The following KRT10 variants were observed in gnomAD, a reference collection of about 807,000 sequenced individuals.
The protein encoded by KRT10 is keratin, type I cytoskeletal 10.
KRT10 carries 40 observed loss-of-function variants against 59.2 expected under a neutral mutation model. The ratio of observed to expected loss-of-function variants is 0.68; its 90% CI spans 0.52 to 0.88. The LOEUF (loss-of-function observed/expected upper bound fraction) is 0.88. KRT10 is among the 40% of genes least tolerant of loss of function. KRT10 has a pLI of 0.00. For missense variants in KRT10, 719 were observed against 749.1 expected (o/e 0.96, Z 0.47); for synonymous variants, 336 against 310.7 (o/e 1.08, Z -0.86).
Position 40,818,325 on chromosome 17 carries a change from ATCT to A in KRT10, c.*148_*150del. ...TTCTTGGAGACTTTGTTTTCCATGCATCTGTAAATAATGGTCTGTGTGAAGGGA... is the reference window on the plus strand; with the variant it reads ...TTCTTGGAGACTTTGTTTTCCATGCAGTAAATAATGGTCTGTGTGAAGGGA... On this transcript the variant is annotated 3_prime_UTR_variant, in exon 8 of 8. Coordinates refer to ENST00000269576, the MANE Select transcript of KRT10 (RefSeq NM_000421.5). The A allele has an allele frequency of 9.9e-7, 1 of 1,007,706 alleles. No individual in the cohort carries two copies. Among genetic ancestry groups the A allele is most frequent in the Admixed American group, 2.3e-5 (1 of 43,124 alleles). The allele number at this position is 1,007,706 out of a possible 1,614,324, so 62.4% of individuals were successfully genotyped here.
Position 40,820,618 on chromosome 17 carries a change from C to T in KRT10, c.760G>A (p.Gly254Ser), listed in dbSNP as rs1298068550. The change falls in exon 3 of 8, where the codon GGC (glycine) becomes AGC (serine). Residue 254 changes from glycine (G) to serine (S), a missense_variant. Around this residue, in one of 4 missense-constraint regions of KRT10, gnomAD observed 221 missense variants for 277.8 expected, o/e 0.80. Coordinates refer to ENST00000269576, the MANE Select transcript of KRT10 (RefSeq NM_000421.5). ...LRQSVEADIN[G>S]LRRVLDELTL... ...AGCTCATCCAGCACCCTACGCAGGC[C>T]GTTGATGTCAGCCTCCACGCTCTGG... 13 of 1,614,076 alleles carry T rather than the reference C, an allele frequency of 8.1e-6. No individual in the cohort carries two copies. Among genetic ancestry groups the T allele is most frequent in the Admixed American group, 6.7e-5 (4 of 60,004 alleles).
intron 2 of KRT10, 35 bp from the exon 3 acceptor site, chr17:40,820,702 T>TGG: frequency 6.2e-7 from 1 of 1,610,160 alleles, no homozygotes; most frequent in Non-Finnish European, 8.5e-7. Flanking sequence ...TGGTTATAAC[T>TGG]TATATAGGGG....
At position 40,818,883 on chromosome 17, in the gene KRT10, C is replaced by T; in HGVS notation, c.1652G>A (p.Ser551Asn). 1 of 1,529,260 alleles carries T rather than the reference C, an allele frequency of 6.5e-7. No homozygotes were observed. Among genetic ancestry groups the T allele is most frequent in the Non-Finnish European group, 8.7e-7 (1 of 1,144,134 alleles). 94.7% of individuals were successfully genotyped at this position (1,529,260 alleles called of 1,614,324 possible). The change falls in exon 7 of 8, where the codon AGC becomes AAC. Residue 551 changes from serine to asparagine, a missense_variant. This residue lies in a region of KRT10 where 315 missense variants were observed against 270.6 expected (regional missense o/e 1.16). Coordinates refer to ENST00000269576, the MANE Select transcript of KRT10 (RefSeq NM_000421.5). ...GCCGCCGTATCCGCCGCCGGAGCTG[C>T]TGCCGCCGCCGGAGCTGCCGCCCCC... ...GYGGGSSGGGSSSGGGYGGGS... is the reference protein window; with the variant it reads ...GYGGGSSGGGNSSGGGYGGGS...
chr17:40,819,322 C>T, intron 6 of KRT10, 161 bp from the exon 7 acceptor site: 1 of 1,450,836 alleles, frequency 6.9e-7, no homozygotes, highest in South Asian at 1.3e-5. Flanking sequence ...ATGTTAAGTT[C>T]ACAGAACTCT....
Position 40,819,173 on chromosome 17 carries a change from G to A in KRT10, c.1374-12C>T, listed in dbSNP as rs759827585. 179 of 1,588,418 alleles carry A rather than the reference G, an allele frequency of 1.1e-4. No homozygotes were observed. Among genetic ancestry groups the A allele is most frequent in the Non-Finnish European group, 1.5e-4 (175 of 1,175,828 alleles). On this transcript the variant is annotated splice_polypyrimidine_tract_variant and intron_variant, in intron 6 of 7. Coordinates refer to ENST00000269576, the MANE Select transcript of KRT10 (RefSeq NM_000421.5). ...CGCCGCCTCCGGAACTAAACGGGGT[G>A]AGGTCACATTCGGTTATCTCTAACG...
At position 40,819,083 on chromosome 17, in the gene KRT10, G is replaced by A. The variant is rs1905217289; in HGVS notation, c.1452C>T (p.Gly484=). 7.0e-7 allele frequency: 1 copy of A among 1,427,936 alleles called. No homozygotes were observed. Among genetic ancestry groups the A allele is most frequent in the Non-Finnish European group, 9.2e-7 (1 of 1,086,312 alleles). The allele number at this position is 1,427,936 out of a possible 1,614,324, so 88.5% of individuals were successfully genotyped here. The change falls in exon 7 of 8, where the codon GGC becomes GGT. Residue 484 remains glycine, a synonymous_variant. Transcript: ENST00000269576. ...GGGSSGGGSS[G]GGHGGGHGGS... is the part of the protein sequence containing the mutation. ...CGCCGTGGCCGCCGCCGTGGCCGCCGCCGGAGCTTCCGCCGCCGGAGCTTC... is the reference window on the plus strand; with the variant it reads ...CGCCGTGGCCGCCGCCGTGGCCGCCACCGGAGCTTCCGCCGCCGGAGCTTC...
chr17:40,818,737 T>A, intron 7 of KRT10, 50 bp downstream of exon 7: 1 of 1,590,484 alleles, frequency 6.3e-7, no homozygotes, highest in Non-Finnish European at 8.5e-7. Flanking sequence ...AAAAAAACCA[T>A]CACAGGAAGT....
Position 40,819,078 on chromosome 17 carries a change from C to T in KRT10, c.1457G>A (p.Gly486Asp), listed in dbSNP as rs967049961. Reference sequence around the variant, plus strand: ...ACTGCCGCCGTGGCCGCCGCCGTGGCCGCCGCCGGAGCTTCCGCCGCCGGA... The same window carrying T: ...ACTGCCGCCGTGGCCGCCGCCGTGGTCGCCGCCGGAGCTTCCGCCGCCGGA... ...GSSGGGSSGG[G>D]HGGGHGGSSG... The change falls in exon 7 of 8, where the codon GGC (glycine) becomes GAC (aspartate). Residue 486 changes from glycine to aspartate, a missense_variant. By Grantham distance (94) the Gly-to-Asp change is moderately conservative. Around this residue, in one of 4 missense-constraint regions of KRT10, gnomAD observed 315 missense variants for 270.6 expected, o/e 1.16. Coordinates refer to ENST00000269576, the MANE Select transcript of KRT10 (RefSeq NM_000421.5). 1.4e-6 allele frequency: 2 copies of T among 1,403,350 alleles called. No homozygotes were observed. Among genetic ancestry groups the T allele is most frequent in the African/African-American group, 1.7e-5 (1 of 60,138 alleles). The allele number at this position is 1,403,350 out of a possible 1,614,324, so 86.9% of individuals were successfully genotyped here.
rs368573436 is a variant in KRT10 at position 40,820,124 on chromosome 17, G to A, written c.1080C>T (p.Ser360=). ...EIDNNIEQIS[S]YKSEITELRR... ...TCAATTCAGTAATCTCAGATTTATA[G>A]CTGGATATCTGTTCAATGTTATTAT... The change falls in exon 5 of 8, where the codon AGC becomes AGT. Residue 360 remains serine, a synonymous_variant. Coordinates refer to ENST00000269576, the MANE Select transcript of KRT10 (RefSeq NM_000421.5). 1.4e-5 allele frequency: 22 copies of A among 1,613,348 alleles called. No individual in the cohort carries two copies. The highest frequency in any genetic ancestry group is 9.3e-5 in the African/African-American group (7 of 74,898).
rs1567707293 is a variant in KRT10 at position 40,819,073 on chromosome 17, C to CGGA, written c.1461_1462insTCC (p.His487_Gly488insSer). On this transcript the variant is annotated inframe_insertion, in exon 7 of 8. Transcript: ENST00000269576. ...CCGGAACTGCCGCCGTGGCCGCCGC[C>CGGA]GTGGCCGCCGCCGGAGCTTCCGCCG... 31 of 1,340,546 alleles carry CGGA rather than the reference C, an allele frequency of 2.3e-5. No homozygotes were observed. The highest frequency in any genetic ancestry group is 3.0e-5 in the Non-Finnish European group (31 of 1,022,078). 83.0% of individuals were successfully genotyped at this position (1,340,546 alleles called of 1,614,324 possible).
chr17:40,819,828 A>T (rs1905265204), intron 5 of KRT10, 94 bp from the exon 6 acceptor site: 3 of 1,223,750 alleles, frequency 2.5e-6, no homozygotes, highest in African/African-American at 3.0e-5. Flanking sequence ...ATATAGAAGA[A>T]TAAGAAAATG....
chr17:40,821,070 G>A lies in KRT10; in HGVS notation c.675C>T (p.Asp225=), dbSNP rs757069403. The A allele has an allele frequency of 8.1e-6, 13 of 1,613,898 alleles. No homozygotes were observed. Among genetic ancestry groups the A allele is most frequent in the Middle Eastern group, 3.3e-4 (2 of 6,084 alleles). ...TDNANILLQI[D]NARLAADDFR... is the part of the protein sequence containing the mutation. ...AGTCATCAGCTGCCAGCCTGGCATT[G>A]TCGATCTGAAGCAGGATGTTGGCAT... The change falls in exon 2 of 8, where the codon GAC becomes GAT. Residue 225 remains aspartate (D), a synonymous_variant. Coordinates refer to ENST00000269576, the MANE Select transcript of KRT10 (RefSeq NM_000421.5).
chr17:40,819,375 G>C, intron 6 of KRT10, 142 bp downstream of exon 6: 1 of 1,254,742 alleles, frequency 8.0e-7, no homozygotes, highest in Non-Finnish European at 1.1e-6. Context: ...GTGAGATTGC[G>C]GTTGCGTACT....
Position 40,820,503 on chromosome 17 carries a change from T to G in KRT10, c.867+8A>C. On this transcript the variant is annotated splice_region_variant and intron_variant, in intron 3 of 7. Coordinates refer to ENST00000269576, the MANE Select transcript of KRT10 (RefSeq NM_000421.5). The stretch of plus-strand genomic sequence containing the variant: ...TTTTGGCTGGGAAAAGTATAACTTT[T>G]GTGTCACCTCCTCGTGGTTCTTCTT... The G allele has an allele frequency of 6.2e-7, 1 of 1,614,234 alleles. No individual in the cohort carries two copies. Among genetic ancestry groups the G allele is most frequent in the Non-Finnish European group, 8.5e-7 (1 of 1,180,034 alleles).
Position 40,818,461 on chromosome 17 carries a change from A to G in KRT10, c.*15T>C, listed in dbSNP as rs767778057. 6.2e-7 allele frequency: 1 copy of G among 1,612,738 alleles called. No individual in the cohort carries two copies. Among genetic ancestry groups the G allele is most frequent in the Non-Finnish European group, 8.5e-7 (1 of 1,178,810 alleles). ...CGCCACCTCTTCAATAATTGTCTTG[A>G]TTACTCTGGTTTTGTTAGTATCTGT... On this transcript the variant is annotated 3_prime_UTR_variant, in exon 8 of 8. Transcript: ENST00000269576.
rs1905195256 is a variant in KRT10 at position 40,818,970 on chromosome 17, T to C, written c.1565A>G (p.His522Arg). The change falls in exon 7 of 8, where the codon CAC (histidine) becomes CGC (arginine). Residue 522 changes from histidine to arginine, a missense_variant. Physicochemically the swap from His to Arg is conservative, Grantham distance 29. Transcript: ENST00000269576. Reference sequence around the variant, plus strand: ...GTAGCCGCCGCTGGAACTGCCGCCGTGGCCGCCGCTGGAGCTTCCGCCCCC... The same window carrying C: ...GTAGCCGCCGCTGGAACTGCCGCCGCGGCCGCCGCTGGAGCTTCCGCCCCC... Reference protein sequence around the residue: ...GYGGGSSSGGHGGSSSGGYGG... With the variant: ...GYGGGSSSGGRGGSSSGGYGG... The C allele has an allele frequency of 1.5e-6, 2 of 1,340,562 alleles. No individual in the cohort carries two copies. Among genetic ancestry groups the C allele is most frequent in the Non-Finnish European group, 1.9e-6 (2 of 1,051,272 alleles). The allele number at this position is 1,340,562 out of a possible 1,614,324, so 83.0% of individuals were successfully genotyped here.
Position 40,821,131 on chromosome 17 carries a change from C to T in KRT10, c.628-14G>A, listed in dbSNP as rs1905358226. The T allele has an allele frequency of 6.3e-7, 1 of 1,598,486 alleles. No homozygotes were observed. Among genetic ancestry groups the T allele is most frequent in the Admixed American group, 1.7e-5 (1 of 59,978 alleles). On this transcript the variant is annotated splice_polypyrimidine_tract_variant and intron_variant, in intron 1 of 7. Coordinates refer to ENST00000269576, the MANE Select transcript of KRT10 (RefSeq NM_000421.5). ...TAGGTTGAGAATCTGGAGGGAGAGG[C>T]ACAGTTATTTGAGAAGAGGTCAGAT...
rs754935101 is a variant in KRT10 at position 40,822,219 on chromosome 17, C to G, written c.367G>C (p.Gly123Arg). 6.2e-7 allele frequency: 1 copy of G among 1,611,340 alleles called. No homozygotes were observed. The highest frequency in any genetic ancestry group is 1.1e-5 in the South Asian group (1 of 90,930). Residue 123 changes from glycine to arginine, a missense_variant, in exon 1 of 8, where the codon GGT becomes CGT. Physicochemically the swap from Gly to Arg is moderately radical, Grantham distance 125 (BLOSUM62 -2). Around this residue, in one of 4 missense-constraint regions of KRT10, gnomAD observed 176 missense variants for 175.7 expected, o/e 1.00. Coordinates refer to ENST00000269576, the MANE Select transcript of KRT10 (RefSeq NM_000421.5). ...GGGSFGGGGF[G>R]GGGFGGGFGG... Reference sequence around the variant, plus strand: ...AAGCCTCCTCCAAAGCCGCCTCCACCAAAGCCGCCTCCACCAAAGCTGCCC... The same window carrying G: ...AAGCCTCCTCCAAAGCCGCCTCCACGAAAGCCGCCTCCACCAAAGCTGCCC...
chr17:40,818,631 T>G (rs1403054164), intron 7 of KRT10, 149 bp from the exon 8 acceptor site: 13 of 1,361,888 alleles, frequency 9.5e-6, no homozygotes. Flanking sequence ...CATGCCATTT[T>G]TCACGGCTGG....
Sources: allele counts gnomAD v4.1 joint callset, GRCh38; gene constraint gnomAD v4.1.1; regional missense constraint gnomAD v4.1.1; transcripts MANE v1.5; gene names NCBI Gene and HGNC (gene_info 2026-07-23, HGNC 2026-07-21).